CSGALNACT1: variants seen among roughly 807,000 people sequenced by gnomAD.
CSGALNACT1 encodes chondroitin sulfate N-acetylgalactosaminyltransferase 1.
CSGALNACT1 carries 52 observed loss-of-function variants against 51.0 expected under a neutral mutation model. That is an observed-to-expected ratio of 1.02 (90% CI 0.82 to 1.29). The LOEUF is 1.29. Among genes scored for constraint, CSGALNACT1 ranks in the 50% most tolerant of loss-of-function variants. The pLI is 0.00. For missense variants in CSGALNACT1, 935 were observed against 679.2 expected, an observed-to-expected ratio of 1.38 and a Z score of -4.19; for synonymous variants, 341 against 254.4, an observed-to-expected ratio of 1.34 and a Z score of -3.24.
At chr8:19,620,130 T>C (rs1236029747) in intron 1 of CSGALNACT1, among the ~76,000 whole-genome samples, 1 of 151,940 alleles carries the variant, frequency 6.6e-6, no homozygotes, top group Non-Finnish European at 1.5e-5. Context: ...CTGGCCAATG[T>C]GGGGAAACCC....
chr8:19,469,791 T>C (rs1019009096), intron 4 of CSGALNACT1, among the ~76,000 whole-genome samples: 2 of 152,182 alleles, frequency 1.3e-5, no homozygotes, highest in African/African-American at 4.8e-5. Context: ...ATTCTGGGTT[T>C]TTCATCGCAC....
At chr8:19,450,261 GGGA>G (rs1353263626) in intron 5 of CSGALNACT1, among the ~76,000 whole-genome samples, 2 of 107,428 alleles carry the variant, frequency 1.9e-5, no homozygotes, top group African/African-American at 7.2e-5. Context: ...GGAGGAACAG[GGGA>G]GGAGAGGGGG....
At chr8:19,733,438 A>C (rs1250882321) in intron 1 of CSGALNACT1, among the ~76,000 whole-genome samples, 1 of 152,084 alleles carries the variant, frequency 6.6e-6, no homozygotes, top group African/African-American at 2.4e-5. Flanking sequence ...TAGTAAGAAT[A>C]AATCAATTCC....
At chr8:19,557,126 T>A (rs1470598669) in intron 3 of CSGALNACT1, among the ~76,000 whole-genome samples, 1 of 152,180 alleles carries the variant, frequency 6.6e-6, no homozygotes, top group East Asian at 1.9e-4. Flanking sequence ...GAATTTCCCT[T>A]GCACCCCAGA....
chr8:19,467,372 C>T (rs959139379), intron 4 of CSGALNACT1, among the ~76,000 whole-genome samples: 17 of 152,168 alleles, frequency 1.1e-4, no homozygotes, highest in Admixed American at 3.9e-4. Flanking sequence ...CCACCTACCT[C>T]GGCCCCCCAA....
At chr8:19,593,824 T>G (rs1445673179) in intron 2 of CSGALNACT1, among the ~76,000 whole-genome samples, 1 of 152,180 alleles carries the variant, frequency 6.6e-6, no homozygotes, top group Non-Finnish European at 1.5e-5. Context: ...TTCCTTCCCT[T>G]GAGGGCTGGA....
chr8:19,715,308 G>A (rs561676903), intron 1 of CSGALNACT1, among the ~76,000 whole-genome samples: 2 of 151,828 alleles, frequency 1.3e-5, no homozygotes, highest in African/African-American at 4.9e-5. Context: ...ATGAGATTTG[G>A]GTGGGGACAC....
chr8:19,569,214 C>T (rs1400821968), intron 3 of CSGALNACT1, among the ~76,000 whole-genome samples: 1 of 152,104 alleles, frequency 6.6e-6, no homozygotes, highest in Non-Finnish European at 1.5e-5. Flanking sequence ...TAGAGGAAAA[C>T]TGAAAAGATG....
At chr8:19,420,258 A>G in intron 7 of CSGALNACT1, 82 bp downstream of exon 6, 1 of 1,242,892 alleles carries the variant, frequency 8.0e-7, no homozygotes, top group Non-Finnish European at 1.2e-6. Context: ...AGGACATCAG[A>G]GTGACTGACC....
At chr8:19,664,952 G>A (rs2059069444) in intron 1 of CSGALNACT1, among the ~76,000 whole-genome samples, 1 of 152,164 alleles carries the variant, frequency 6.6e-6, no homozygotes. Flanking sequence ...TTTGGGTGAT[G>A]GCTACAGTAA....
chr8:19,464,807 A>G (rs1271442793), intron 4 of CSGALNACT1, among the ~76,000 whole-genome samples: 1 of 152,142 alleles, frequency 6.6e-6, no homozygotes, highest in Non-Finnish European at 1.5e-5. Flanking sequence ...GTCTTCCACA[A>G]AACTGGTGCC....
intron 1 of CSGALNACT1, among the ~76,000 whole-genome samples, chr8:19,682,300 G>C (rs1022953537): frequency 6.6e-6 from 1 of 152,244 alleles, no homozygotes. Context: ...TGGGCCGCTA[G>C]GCAATGTGCC....
chr8:19,435,189 T>C lies in CSGALNACT1; in HGVS notation c.953+4641A>G, dbSNP rs894423232. On this transcript the variant is annotated intron_variant, in intron 6 of 9. Transcript: ENST00000454498. ...AATGTGGTCAATGCCAATTCATCTA[T>C]CAGTTACATTAAAATAACTTTTTGG... 7.2e-5 allele frequency among the ~76,000 whole-genome samples: 11 copies of C among 152,184 alleles called. No homozygotes were observed. In the East Asian group the frequency reaches 7.7e-4, roughly 11 times the overall value.
chr8:19,732,501 A>G (rs7825914), intron 1 of CSGALNACT1: 112,276 of 152,156 alleles, frequency 0.74, 41,619 homozygotes, highest in Middle Eastern at 0.86. Context: ...GATCCTGAAA[A>G]TAGAATAAAA....
intron 1 of CSGALNACT1, among the ~76,000 whole-genome samples, chr8:19,739,363 G>A (rs1428596571): frequency 6.6e-6 from 1 of 152,026 alleles, no homozygotes; most frequent in Non-Finnish European, 1.5e-5. Flanking sequence ...TGTACAGGTA[G>A]CCTGTAGGCT....
At chr8:19,631,188 A>G (rs538813879) in intron 1 of CSGALNACT1, among the ~76,000 whole-genome samples, 1 of 152,270 alleles carries the variant, frequency 6.6e-6, no homozygotes, top group Non-Finnish European at 1.5e-5. Context: ...GTGTGCACCT[A>G]AGTTTTCAAC....
chr8:19,408,919 GC>G (rs1263435331), intron 8 of CSGALNACT1, among the ~76,000 whole-genome samples: 9 of 132,636 alleles, frequency 6.8e-5, no homozygotes, highest in African/African-American at 2.4e-4. Flanking sequence ...GGCACCTCTG[GC>G]TGGAATGTTT....
intron 1 of CSGALNACT1, among the ~76,000 whole-genome samples, chr8:19,754,341 A>G (rs1284925269): frequency 6.6e-6 from 1 of 152,176 alleles, no homozygotes; most frequent in Admixed American, 6.5e-5. Flanking sequence ...AGATAACCAG[A>G]AGCTTCTGCT....
intron 1 of CSGALNACT1, among the ~76,000 whole-genome samples, chr8:19,667,397 C>G (rs1319881051): frequency 6.6e-6 from 1 of 152,170 alleles, no homozygotes; most frequent in Non-Finnish European, 1.5e-5. Context: ...GATCACACCA[C>G]TGCACTCCAG....
Sources: allele counts gnomAD v4.1 joint callset (sites outside exome capture counted in the v4.1 genomes callset), GRCh38; gene constraint gnomAD v4.1.1; transcripts MANE v1.5; gene names NCBI Gene and HGNC (gene_info 2026-07-23, HGNC 2026-07-21).